The following IL2RA variants were observed in gnomAD, a reference collection of about 807,000 sequenced individuals.
IL2RA encodes the protein interleukin-2 receptor subunit alpha.
A neutral mutation model predicts 37.8 loss-of-function variants in IL2RA; 24 were observed. The ratio of observed to expected loss-of-function variants is 0.63; its 90% CI spans 0.46 to 0.89. IL2RA has a LOEUF of 0.89. Among genes scored for constraint, IL2RA ranks in the 40% least tolerant of loss-of-function variants. The probability of loss-of-function intolerance (pLI) is 0.00; values close to 1 mark genes in which losing one functional copy is unlikely to be tolerated. For synonymous variants in IL2RA, 125 were observed against 114.6 expected, an observed-to-expected ratio of 1.09 and a Z score of -0.58; for missense variants, 319 against 348.6, an observed-to-expected ratio of 0.92 and a Z score of 0.68.
In IL2RA at chr10:6,033,199, A is replaced by C. The variant is rs1013031670; in HGVS notation, c.65-7174T>G. On this transcript the variant is annotated intron_variant, in intron 1 of 7. Transcript: ENST00000379959. This position sits in a 1 kb window ranked among gnomAD's most constrained non-coding sequence, Gnocchi z 4.3. ...TGAGACCAGCCCGGTCAACATGGCG[A>C]AACCCTTTCTCTACTAAGGAGGCAG... Among the ~76,000 whole-genome samples the C allele has an allele frequency of 9.9e-5, 15 of 152,118 alleles. No homozygotes were observed. The highest frequency in any genetic ancestry group is 3.6e-4 in the African/African-American group (15 of 41,422).
chr10:6,019,387 C>T (rs1163726686), intron 6 of IL2RA, 41 bp downstream of exon 6: 2 of 1,444,362 alleles, frequency 1.4e-6, no homozygotes, highest in Admixed American at 1.7e-5. Context: ...CATATCTCAG[C>T]CTGGTGTACA....
rs890808825 is a variant in IL2RA, at chr10:6,044,024, C to T, written c.65-17999G>A. The stretch of plus-strand genomic sequence containing the variant: ...AACTTTATCAGAGAAAGAAACCCCC[C>T]TCTCCCCAAACTCAGTGGCAAGTCC... On this transcript the variant is annotated intron_variant, in intron 1 of 7. Coordinates refer to ENST00000379959, the MANE Select transcript of IL2RA (RefSeq NM_000417.3). The surrounding 1 kb of genome is among the most constrained non-coding windows in gnomAD (Gnocchi z 4.5). Among the ~76,000 whole-genome samples, 3 of 152,216 alleles carry T rather than the reference C, an allele frequency of 2.0e-5. No homozygotes were observed. The highest frequency in any genetic ancestry group is 7.2e-5 in the African/African-American group (3 of 41,452).
At chr10:6,013,814 G>T (rs1199619746) in intron 7 of IL2RA, among the ~76,000 whole-genome samples, 3 of 148,642 alleles carry the variant, frequency 2.0e-5, no homozygotes, top group Non-Finnish European at 4.4e-5. Context: ...TTATTAAATT[G>T]TAAATTTAAA....
chr10:6,015,652 A>G lies in IL2RA; in HGVS notation c.794+2401T>C, dbSNP rs1222487572. 2.0e-5 allele frequency among the ~76,000 whole-genome samples: 3 copies of G among 152,242 alleles called. No individual in the cohort carries two copies. The highest frequency in any genetic ancestry group is 4.4e-5 in the Non-Finnish European group (3 of 68,048). On this transcript the variant is annotated intron_variant, in intron 7 of 7. Coordinates refer to ENST00000379959, the MANE Select transcript of IL2RA (RefSeq NM_000417.3). The surrounding 1 kb of genome is among the most constrained non-coding windows in gnomAD (Gnocchi z 4.9). Reference sequence around the variant, plus strand: ...GGTATGTAGGGATGCTTTGATACCTACAAGGTACAGTGATCAGATCATGGT... The same window carrying G: ...GGTATGTAGGGATGCTTTGATACCTGCAAGGTACAGTGATCAGATCATGGT...
Position 6,033,459 on chromosome 10 carries a change from T to C in IL2RA, c.65-7434A>G, listed in dbSNP as rs973150226. On this transcript the variant is annotated intron_variant, in intron 1 of 7. Coordinates refer to ENST00000379959, the MANE Select transcript of IL2RA (RefSeq NM_000417.3). The surrounding 1 kb of genome is among the most constrained non-coding windows in gnomAD (Gnocchi z 4.3). The stretch of plus-strand genomic sequence containing the variant: ...CTACAGAAAGACTTTTATAAAATAT[T>C]TATAGTAACTTCTTTCTTTTATTAA... Among the ~76,000 whole-genome samples the C allele has an allele frequency of 6.6e-6, 1 of 152,218 alleles. No homozygotes were observed. The highest frequency in any genetic ancestry group is 2.4e-5 in the African/African-American group (1 of 41,458).
intron 1 of IL2RA, among the ~76,000 whole-genome samples, chr10:6,030,506 GA>G (rs576164778): frequency 8.1e-4 from 123 of 152,030 alleles, no homozygotes; most frequent in African/African-American, 2.8e-3. Flanking sequence ...AGTTTTAAAA[GA>G]AAAAAACCCG....
chr10:6,052,074 A>C (rs1178447180), intron 1 of IL2RA, among the ~76,000 whole-genome samples: 1 of 151,696 alleles, frequency 6.6e-6, no homozygotes, highest in African/African-American at 2.4e-5. Context: ...AAAGGAATTG[A>C]AATACTCCCA....
At chr10:6,039,523 G>A (rs1478986104) in intron 1 of IL2RA, 1 of 151,942 alleles carries the variant, frequency 6.6e-6, no homozygotes, top group African/African-American at 2.4e-5. Flanking sequence ...CAATAGCAGA[G>A]CCCACTCTTT....
At chr10:6,050,602 C>A (rs916628999) in intron 1 of IL2RA, among the ~76,000 whole-genome samples, 19 of 152,030 alleles carry the variant, frequency 1.2e-4, no homozygotes, top group African/African-American at 4.6e-4. Flanking sequence ...CGAGATCATA[C>A]CACTGCACTC....
chr10:6,035,569 T>G lies in IL2RA; in HGVS notation c.65-9544A>C, dbSNP rs1839667173. On this transcript the variant is annotated intron_variant, in intron 1 of 7. Transcript: ENST00000379959. This position sits in a 1 kb window ranked among gnomAD's most constrained non-coding sequence, Gnocchi z 5.4. ...AAAAGTACTCTGGACACTGTTAAGGTGAGAAAAGAAAAGAAATCGGGGCTC... is the reference window on the plus strand; with the variant it reads ...AAAAGTACTCTGGACACTGTTAAGGGGAGAAAAGAAAAGAAATCGGGGCTC... 6.6e-6 allele frequency among the ~76,000 whole-genome samples: 1 copy of G among 151,974 alleles called. No individual in the cohort carries two copies. Among genetic ancestry groups the G allele is most frequent in the Admixed American group, 6.5e-5 (1 of 15,276 alleles).
At position 6,011,401 on chromosome 10, in the gene IL2RA, C is replaced by T. The variant is rs1244925382; in HGVS notation, c.*1471G>A. 6.6e-6 allele frequency: 1 copy of T among 152,332 alleles called. No homozygotes were observed. The highest frequency in any genetic ancestry group is 1.5e-5 in the Non-Finnish European group (1 of 68,062). 9.4% of individuals were successfully genotyped at this position (152,332 alleles called of 1,614,324 possible). A position where few individuals can be genotyped will look rare whatever the true frequency, so the allele number is the denominator to read the frequency against. ...GCAACAGCACCTGGGAATTGTTAGA[C>T]ACACAAAACATTTGGCTCTATTCCA... On this transcript the variant is annotated 3_prime_UTR_variant, in exon 8 of 8. Transcript: ENST00000379959. The surrounding 1 kb of genome is among the most constrained non-coding windows in gnomAD (Gnocchi z 5.2).
chr10:6,024,390 A>G, intron 2 of IL2RA, 36 bp from the exon 3 acceptor site: 2 of 1,425,586 alleles, frequency 1.4e-6, no homozygotes, highest in Non-Finnish European at 9.9e-7. Context: ...AGATAATTTC[A>G]CAAATGCTTC....
At position 6,044,770 on chromosome 10, in the gene IL2RA, G is replaced by A. The variant is rs1756031690; in HGVS notation, c.64+17318C>T. 1.3e-5 allele frequency among the ~76,000 whole-genome samples: 2 copies of A among 152,184 alleles called. No homozygotes were observed. Among genetic ancestry groups the A allele is most frequent in the South Asian group, 4.1e-4 (2 of 4,824 alleles). On this transcript the variant is annotated intron_variant, in intron 1 of 7. Coordinates refer to ENST00000379959, the MANE Select transcript of IL2RA (RefSeq NM_000417.3). This position sits in a 1 kb window ranked among gnomAD's most constrained non-coding sequence, Gnocchi z 4.5. ...AGTGCAAAATATAAGTGGTGGTATA[G>A]GGACTTCACCTCCCACTCCCCCTCC...
In IL2RA at chr10:6,019,828, T is replaced by C. The variant is rs371535411; in HGVS notation, c.655+42A>G. 16 of 1,586,590 alleles carry C rather than the reference T, an allele frequency of 1.0e-5. No homozygotes were observed. In the East Asian group the frequency reaches 3.1e-4, roughly 31 times the overall value. Reference sequence around the variant, plus strand: ...TGGCTCCTGGTCACCTCTGCCCTTTTGGACTAGGCCTCTGTGGTCCAGCGT... The same window carrying C: ...TGGCTCCTGGTCACCTCTGCCCTTTCGGACTAGGCCTCTGTGGTCCAGCGT... On this transcript the variant is annotated intron_variant, in intron 5 of 7. Coordinates refer to ENST00000379959, the MANE Select transcript of IL2RA (RefSeq NM_000417.3).
chr10:6,037,883 G>A (rs7072398), intron 1 of IL2RA, among the ~76,000 whole-genome samples: 79,843 of 151,972 alleles, frequency 0.53, 21,594 homozygotes, highest in African/African-American at 0.64. Context: ...TGATAGTGAG[G>A]TGAGGTTTAC....
In IL2RA at chr10:6,029,505, A is replaced by G. The variant is rs573872541; in HGVS notation, c.65-3480T>C. ...TAAAGTTTTATTGGAAGAAAGACAC[A>G]CCCATTTATTTACATTTTGTCTATG... On this transcript the variant is annotated intron_variant, in intron 1 of 7. Transcript: ENST00000379959. This position sits in a 1 kb window ranked among gnomAD's most constrained non-coding sequence, Gnocchi z 4.6. Among the ~76,000 whole-genome samples the G allele has an allele frequency of 6.6e-6, 1 of 152,236 alleles. No individual in the cohort carries two copies. The highest frequency in any genetic ancestry group is 2.1e-4 in the South Asian group (1 of 4,822).
rs936636744 is a variant in IL2RA, at chr10:6,056,158, T to TG, written c.64+5929dup. 6.6e-6 allele frequency among the ~76,000 whole-genome samples: 1 copy of TG among 152,162 alleles called. No individual in the cohort carries two copies. Among genetic ancestry groups the TG allele is most frequent in the African/African-American group, 2.4e-5 (1 of 41,448 alleles). ...CTTGAGAATATGGTGGGGTATTCAG[T>TG]GGGGGCTATTGGCAAACACTGTTGG... On this transcript the variant is annotated intron_variant, in intron 1 of 7. Transcript: ENST00000379959. This position sits in a 1 kb window ranked among gnomAD's most constrained non-coding sequence, Gnocchi z 5.0.
intron 1 of IL2RA, among the ~76,000 whole-genome samples, chr10:6,045,919 A>C (rs970686695): frequency 1.3e-5 from 2 of 152,190 alleles, no homozygotes; most frequent in Non-Finnish European, 2.9e-5. Flanking sequence ...AATGATGGCA[A>C]CCTCCAAAGT....
intron 3 of IL2RA, among the ~76,000 whole-genome samples, chr10:6,023,680 AG>A (rs1195155805): frequency 7.9e-5 from 12 of 152,236 alleles, no homozygotes; most frequent in South Asian, 6.2e-4. Flanking sequence ...GTCGTGGGAA[AG>A]CAGAGGGCAG....
Sources: gnomAD v4.1 joint callset for allele counts (sites outside exome capture counted in the v4.1 genomes callset) on GRCh38, gnomAD v4.1.1 for gene constraint, Gnocchi (gnomAD v3.1) non-coding constraint, MANE v1.5 for transcripts, NCBI Gene and HGNC (gene_info 2026-07-23, HGNC 2026-07-21) for gene names.